Variants in SLC25A38 observed in about 807,000 individuals in gnomAD.
SLC25A38 encodes the protein mitochondrial glycine transporter.
In SLC25A38, 27 loss-of-function variants were observed where a neutral mutation model predicts 33.4. The observed-to-expected ratio is 0.81, with a 90% confidence interval of 0.60 to 1.11. The LOEUF is 1.11. SLC25A38 is among the 50% of genes most tolerant of loss of function. SLC25A38 has a pLI of 0.00. For synonymous variants in SLC25A38, 123 were observed against 145.9 expected (o/e 0.84, Z 1.13); for missense variants, 344 against 388.8 (o/e 0.88, Z 0.97).
chr3:39,395,168 ATTTGT>A (rs1033476134), intron 6 of SLC25A38, among the ~76,000 whole-genome samples: 2 of 152,198 alleles, frequency 1.3e-5, no homozygotes, highest in Non-Finnish European at 2.9e-5. Context: ...AAGTTTACAA[ATTTGT>A]TTTGGGCTGC....
At chr3:39,388,277 C>T (rs1194424920) in intron 1 of SLC25A38, 1 of 152,164 alleles carries the variant, frequency 6.6e-6, no homozygotes, top group African/African-American at 2.4e-5. Context: ...TCTTATCAGA[C>T]CACCCTTTGG....
At chr3:39,392,932 C>A (rs1262790800) in intron 5 of SLC25A38, among the ~76,000 whole-genome samples, 1 of 152,148 alleles carries the variant, frequency 6.6e-6, no homozygotes, top group Non-Finnish European at 1.5e-5. Context: ...ACTTCTCAAT[C>A]CATCTTTAAA....
rs2041747768 is a variant in SLC25A38 at position 39,390,319 on chromosome 3, C to A, written c.192-104C>A. 6.1e-6 allele frequency: 7 copies of A among 1,139,780 alleles called. No individual in the cohort carries two copies. In the Admixed American group the frequency reaches 1.2e-4, roughly 20 times the overall value. 70.6% of individuals were successfully genotyped at this position (1,139,780 alleles called of 1,614,324 possible). A position where few individuals can be genotyped will look rare whatever the true frequency, so the allele number is the denominator to read the frequency against. On this transcript the variant is annotated intron_variant, in intron 2 of 6. Coordinates refer to ENST00000650617, the MANE Select transcript of SLC25A38 (RefSeq NM_017875.4). ...GTGCATTGTAGAGATTGTTAAGTGT[C>A]CTAAAAATGAGTCTATAAAGGAAGT...
At chr3:39,396,277 A>G in intron 6 of SLC25A38, 121 bp from the exon 7 acceptor site, 2 of 1,498,598 alleles carry the variant, frequency 1.3e-6, no homozygotes, top group Non-Finnish European at 1.8e-6. Flanking sequence ...TACTTTGGGC[A>G]TAAAGTTTAG....
chr3:39,389,725 A>T lies in SLC25A38; in HGVS notation c.191+109A>T, dbSNP rs769988641. 5.7e-6 allele frequency: 9 copies of T among 1,566,020 alleles called. No individual in the cohort carries two copies. Among genetic ancestry groups the T allele is most frequent in the Non-Finnish European group, 7.0e-6 (8 of 1,139,786 alleles). On this transcript the variant is annotated intron_variant, in intron 2 of 6. Transcript: ENST00000650617. The surrounding 1 kb of genome is among the most constrained non-coding windows in gnomAD (Gnocchi z 4.5). ...TTCTGTTGGATGTTCAGAGAGAAAC[A>T]CAGGCCATGCCCAACTTTCATATGT...
At chr3:39,394,673 G>C in intron 6 of SLC25A38, 97 bp downstream of exon 6, 1 of 1,458,196 alleles carries the variant, frequency 6.9e-7, no homozygotes, top group Non-Finnish European at 9.4e-7. Context: ...ATTGCCTAGA[G>C]AGCTTTTAAA....
At chr3:39,384,747 A>G (rs1240694860) in intron 1 of SLC25A38, 3 of 398,000 alleles carry the variant, frequency 7.5e-6, no homozygotes, top group African/African-American at 4.1e-5. Flanking sequence ...TCCCCTTAAA[A>G]AGAAACTACT....
Position 39,389,535 on chromosome 3 carries a change from G to A in SLC25A38, c.110G>A (p.Ser37Asn). Residue 37 changes from serine to asparagine, a missense_variant, in exon 2 of 7, where the codon AGT becomes AAT. Transcript: ENST00000650617. The surrounding 1 kb of genome is among the most constrained non-coding windows in gnomAD (Gnocchi z 4.5). ...VIKAFLCGSI[S>N]GTCSTLLFQP... ...AAGGCTTTCCTGTGTGGCTCCATCA[G>A]TGGGACCTGCTCTACCCTCCTTTTC... The A allele has an allele frequency of 1.2e-6, 2 of 1,614,188 alleles. No individual in the cohort carries two copies. Among genetic ancestry groups the A allele is most frequent in the Non-Finnish European group, 1.7e-6 (2 of 1,180,050 alleles).
chr3:39,396,333 C>T (rs1399617949), intron 6 of SLC25A38, 65 bp from the exon 7 acceptor site: 3 of 1,611,772 alleles, frequency 1.9e-6, no homozygotes, highest in East Asian at 2.2e-5. Context: ...CACTGTGGTA[C>T]CAAGTGGATA....
intron 1 of SLC25A38, chr3:39,384,423 C>A: frequency 2.8e-6 from 1 of 362,968 alleles, no homozygotes; most frequent in Middle Eastern, 7.0e-4. Flanking sequence ...GGGGTGCAAC[C>A]AGTCTTTAGA....
chr3:39,386,116 C>A (rs1359448476), intron 1 of SLC25A38, among the ~76,000 whole-genome samples: 2 of 152,116 alleles, frequency 1.3e-5, no homozygotes, highest in African/African-American at 2.4e-5. Flanking sequence ...GTATTAATGA[C>A]AAATTTGTGG....
chr3:39,384,434 C>A (rs961475951), intron 1 of SLC25A38: 44 of 370,506 alleles, frequency 1.2e-4, no homozygotes, highest in African/African-American at 7.3e-4. Flanking sequence ...AGTCTTTAGA[C>A]GCTAAAGGCC....
Position 39,389,066 on chromosome 3 carries a change from C to A in SLC25A38, c.70-429C>A, listed in dbSNP as rs1188305617. On this transcript the variant is annotated intron_variant, in intron 1 of 6. Transcript: ENST00000650617. This position sits in a 1 kb window ranked among gnomAD's most constrained non-coding sequence, Gnocchi z 4.5. Reference sequence around the variant, plus strand: ...GAGCTTAAGGTTTCATTTGCTTTGGCTTGGTCCTATAAATACCTATAGGTC... The same window carrying A: ...GAGCTTAAGGTTTCATTTGCTTTGGATTGGTCCTATAAATACCTATAGGTC... Among the ~76,000 whole-genome samples, 1 of 152,214 alleles carries A rather than the reference C, an allele frequency of 6.6e-6. No homozygotes were observed. Among genetic ancestry groups the A allele is most frequent in the Non-Finnish European group, 1.5e-5 (1 of 68,028 alleles).
chr3:39,396,810 C>T lies in SLC25A38; in HGVS notation c.*290C>T. 2.3e-6 allele frequency: 1 copy of T among 439,380 alleles called. No individual in the cohort carries two copies. The highest frequency in any genetic ancestry group is 3.4e-5 in the Admixed American group (1 of 29,256). The allele number at this position is 439,380 out of a possible 1,614,324, so 27.2% of individuals were successfully genotyped here. A position where few individuals can be genotyped will look rare whatever the true frequency, so the allele number is the denominator to read the frequency against. On this transcript the variant is annotated 3_prime_UTR_variant, in exon 7 of 7. Coordinates refer to ENST00000650617, the MANE Select transcript of SLC25A38 (RefSeq NM_017875.4). Reference sequence around the variant, plus strand: ...GGAAAGGCATTTTCCCAGGAGAGCTCTGTCAGGTGGCTGCGCTTCAGCCCC... The same window carrying T: ...GGAAAGGCATTTTCCCAGGAGAGCTTTGTCAGGTGGCTGCGCTTCAGCCCC...
At chr3:39,385,054 G>A (rs11914435) in intron 1 of SLC25A38, among the ~76,000 whole-genome samples, 1,932 of 152,076 alleles carry the variant, frequency 0.013, 43 homozygotes, top group African/African-American at 0.044. Flanking sequence ...CGTCTGCCTC[G>A]GCCTCCTAAA....
At chr3:39,388,960 G>A (rs2041732688) in intron 1 of SLC25A38, among the ~76,000 whole-genome samples, 1 of 152,298 alleles carries the variant, frequency 6.6e-6, no homozygotes, top group Middle Eastern at 3.4e-3. Flanking sequence ...TTAGGGCCCA[G>A]TGAGATGGTA....
At position 39,389,723 on chromosome 3, in the gene SLC25A38, A is replaced by T; in HGVS notation, c.191+107A>T. The T allele has an allele frequency of 6.3e-7, 1 of 1,576,796 alleles. No individual in the cohort carries two copies. Among genetic ancestry groups the T allele is most frequent in the South Asian group, 1.1e-5 (1 of 89,396 alleles). ...CATTCTGTTGGATGTTCAGAGAGAA[A>T]CACAGGCCATGCCCAACTTTCATAT... On this transcript the variant is annotated intron_variant, in intron 2 of 6. Coordinates refer to ENST00000650617, the MANE Select transcript of SLC25A38 (RefSeq NM_017875.4). The surrounding 1 kb of genome is among the most constrained non-coding windows in gnomAD (Gnocchi z 4.5).
intron 1 of SLC25A38, chr3:39,384,525 C>A: frequency 3.3e-3 from 1,013 of 310,692 alleles, no homozygotes; most frequent in Middle Eastern, 3.6e-3. Flanking sequence ...TTTTTTTAAT[C>A]CTTAAAGGCG....
At chr3:39,392,383 C>T (rs1344928015) in intron 5 of SLC25A38, among the ~76,000 whole-genome samples, 1 of 152,086 alleles carries the variant, frequency 6.6e-6, no homozygotes, top group Admixed American at 6.5e-5. Context: ...CCTTGGGGTA[C>T]AACCTAGGAG....
Sources: allele counts gnomAD v4.1 joint callset (sites outside exome capture counted in the v4.1 genomes callset), GRCh38; gene constraint gnomAD v4.1.1; non-coding constraint Gnocchi (gnomAD v3.1); transcripts MANE v1.5; gene names NCBI Gene and HGNC (gene_info 2026-07-23, HGNC 2026-07-21).